The following NCLN variants were observed in gnomAD, a reference collection of about 807,000 sequenced individuals.
The protein encoded by NCLN is nicalin, also known as BOS complex subunit NCLN.
A neutral mutation model predicts 69.5 loss-of-function variants in NCLN; 34 were observed. The ratio of observed to expected loss-of-function variants is 0.49; its 90% CI spans 0.37 to 0.65. The LOEUF (loss-of-function observed/expected upper bound fraction) is 0.65, where lower values mean the gene tolerates loss of function less well. Ranked by LOEUF, NCLN falls within the 30% of genes least tolerant of loss-of-function variation. The pLI, the probability that NCLN is intolerant of heterozygous loss-of-function variation, is 0.00. For missense variants in NCLN, 710 were observed against 804.8 expected (o/e 0.88, Z 1.42); for synonymous variants, 393 against 358.3 (o/e 1.10, Z -1.09).
Position 3,195,500 on chromosome 19 carries a change from C to T in NCLN, c.521-683C>T, listed in dbSNP as rs891308789. On this transcript the variant is annotated intron_variant, in intron 3 of 14. Coordinates refer to ENST00000246117, the MANE Select transcript of NCLN (RefSeq NM_020170.4). ...TCCTGACGTCGTGATTCGCCCGCCT[C>T]GGCCTCCCAAAGTGCTGGTATTCCA... Among the ~76,000 whole-genome samples, 8 of 152,256 alleles carry T rather than the reference C, an allele frequency of 5.3e-5. No homozygotes were observed. In the East Asian group the frequency reaches 7.8e-4, roughly 15 times the overall value.
At chr19:3,203,952 C>T (rs1281818886) in intron 7 of NCLN, 53 bp from the exon 8 acceptor site, 44 of 1,542,858 alleles carry the variant, frequency 2.9e-5, no homozygotes, top group East Asian at 2.4e-5. Flanking sequence ...GAGGGAGGGC[C>T]GGGGGCCACT....
intron 1 of NCLN, among the ~76,000 whole-genome samples, chr19:3,186,510 G>A (rs994068813): frequency 1.3e-5 from 2 of 152,118 alleles, no homozygotes; most frequent in Non-Finnish European, 2.9e-5. Flanking sequence ...GGAGCCCTAA[G>A]TCCCCTCTCT....
intron 4 of NCLN, among the ~76,000 whole-genome samples, chr19:3,196,847 C>T (rs946398828): frequency 2.0e-5 from 3 of 152,248 alleles, no homozygotes; most frequent in Non-Finnish European, 2.9e-5. Flanking sequence ...CCCACCGACT[C>T]CTCTAGCATT....
At chr19:3,200,241 G>C (rs570186450) in intron 5 of NCLN, among the ~76,000 whole-genome samples, 2 of 151,822 alleles carry the variant, frequency 1.3e-5, no homozygotes. Context: ...GAGCCACCGC[G>C]CCCACTGCCT....
intron 1 of NCLN, among the ~76,000 whole-genome samples, chr19:3,189,806 GC>G (rs1915765092): frequency 6.6e-6 from 1 of 152,172 alleles, no homozygotes; most frequent in Non-Finnish European, 1.5e-5. Flanking sequence ...GCCACAGAGA[GC>G]CCTTGCCATT....
intron 1 of NCLN, among the ~76,000 whole-genome samples, chr19:3,187,759 G>C (rs1915708176): frequency 6.6e-6 from 1 of 152,184 alleles, no homozygotes; most frequent in South Asian, 2.1e-4. Flanking sequence ...AGTGTCCAGG[G>C]GAAGCGCCCT....
intron 4 of NCLN, 50 bp downstream of exon 4, chr19:3,196,327 C>A: frequency 7.3e-7 from 1 of 1,365,620 alleles, no homozygotes; most frequent in Non-Finnish European, 1.0e-6. Context: ...GGGGTTCCTG[C>A]CATCCGCCTG....
chr19:3,207,765 C>A lies in NCLN; in HGVS notation c.*77C>A. The A allele has an allele frequency of 7.5e-7, 1 of 1,336,182 alleles. No individual in the cohort carries two copies. The highest frequency in any genetic ancestry group is 1.1e-6 in the Non-Finnish European group (1 of 936,118). The allele number at this position is 1,336,182 out of a possible 1,614,324, so 82.8% of individuals were successfully genotyped here. ...GAGCACGAGTGAGTGGACACTGCCC[C>A]GCCGCGGGCGGCCCTGCAGGGACAG... On this transcript the variant is annotated 3_prime_UTR_variant, in exon 15 of 15. Transcript: ENST00000246117.
At chr19:3,206,526 G>A in intron 12 of NCLN, 101 bp downstream of exon 12, 3 of 1,386,700 alleles carry the variant, frequency 2.2e-6, no homozygotes, top group East Asian at 5.1e-5. Context: ...ATGCCAGGTG[G>A]AGCAAATACA....
chr19:3,200,373 A>G (rs1599356047), intron 5 of NCLN, among the ~76,000 whole-genome samples: 1 of 134,166 alleles, frequency 7.5e-6, no homozygotes, highest in Non-Finnish European at 1.5e-5. Context: ...TGTAGTGGCG[A>G]GATCTGGGCT....
At position 3,206,408 on chromosome 19, in the gene NCLN, C is replaced by T. The variant is rs377623518; in HGVS notation, c.1482C>T (p.His494=). 6.7e-5 allele frequency: 104 copies of T among 1,547,502 alleles called. No individual in the cohort carries two copies. The highest frequency in any genetic ancestry group is 2.3e-4 in the Middle Eastern group (1 of 4,428). ...SRYLKDVKQH[H]VKADKRDPEF... ...ACCTGAAGGACGTGAAGCAGCACCA[C>T]GTCAAGGCTGACAAGCGGTGAGGCT... The change falls in exon 12 of 15, where the codon CAC becomes CAT. Residue 494 remains histidine, a synonymous_variant. Transcript: ENST00000246117.
At chr19:3,191,322 C>T (rs1915819500) in intron 1 of NCLN, among the ~76,000 whole-genome samples, 2 of 151,998 alleles carry the variant, frequency 1.3e-5, no homozygotes, top group African/African-American at 2.4e-5. Flanking sequence ...GAGCGGTGAC[C>T]GTGGGGAGCG....
At chr19:3,206,466 C>A in intron 12 of NCLN, 41 bp downstream of exon 12, 1 of 1,519,146 alleles carries the variant, frequency 6.6e-7, no homozygotes, top group South Asian at 1.2e-5. Flanking sequence ...CAGCCTGGGG[C>A]CGAGGGGGAC....
At chr19:3,186,267 C>CT in intron 1 of NCLN, 53 bp downstream of exon 1, 1 of 1,403,262 alleles carries the variant, frequency 7.1e-7, no homozygotes, top group Non-Finnish European at 9.2e-7. Context: ...GGCCACGCCA[C>CT]TCCGGCCCGG....
In NCLN at chr19:3,206,315, G is replaced by A. The variant is rs545650190; in HGVS notation, c.1389G>A (p.Pro463=). Residue 463 remains proline, a synonymous_variant, in exon 12 of 15, where the codon CCG becomes CCA. Transcript: ENST00000246117. The part of the protein sequence containing the change: ...DSVMDWLTNQ[P]RAAQLVDKDS... ...TGATGGACTGGCTCACCAACCAGCC[G>A]CGGGCCGCGCAGCTGGTGGACAAGG... 55 of 1,548,252 alleles carry A rather than the reference G, an allele frequency of 3.6e-5. No homozygotes were observed. Among genetic ancestry groups the A allele is most frequent in the East Asian group, 2.2e-4 (9 of 40,916 alleles).
intron 4 of NCLN, 56 bp downstream of exon 4, chr19:3,196,333 G>A (rs192640034): frequency 7.6e-7 from 1 of 1,319,154 alleles, no homozygotes; most frequent in Non-Finnish European, 1.0e-6. Context: ...CCTGCCATCC[G>A]CCTGGCTCCC....
Position 3,207,703 on chromosome 19 carries a change from C to T in NCLN, c.*15C>T, listed in dbSNP as rs768586329. On this transcript the variant is annotated 3_prime_UTR_variant, in exon 15 of 15. Transcript: ENST00000246117. Reference sequence around the variant, plus strand: ...AGACACAGTGACACAGCCACCCCCACAGCCGGAGCCCCCGCCGCTCCACAG... The same window carrying T: ...AGACACAGTGACACAGCCACCCCCATAGCCGGAGCCCCCGCCGCTCCACAG... 4 of 1,604,676 alleles carry T rather than the reference C, an allele frequency of 2.5e-6. No homozygotes were observed. Among genetic ancestry groups the T allele is most frequent in the Admixed American group, 1.7e-5 (1 of 59,942 alleles).
intron 12 of NCLN, 84 bp from the exon 13 acceptor site, chr19:3,207,114 G>A (rs1916290330): frequency 6.1e-6 from 9 of 1,483,226 alleles, no homozygotes; most frequent in African/African-American, 1.4e-5. Context: ...GTGAGCCATC[G>A]TGCCCAGTCT....
intron 3 of NCLN, 146 bp downstream of exon 3, chr19:3,193,574 C>G: frequency 1.0e-6 from 1 of 984,414 alleles, no homozygotes; most frequent in Middle Eastern, 3.3e-4. Flanking sequence ...TTCCTGGGCC[C>G]CGTGTGGACC....
Sources: gnomAD v4.1 joint callset for allele counts (sites outside exome capture counted in the v4.1 genomes callset) on GRCh38, gnomAD v4.1.1 for gene constraint, MANE v1.5 for transcripts, NCBI Gene and HGNC (gene_info 2026-07-23, HGNC 2026-07-21) for gene names.